CNTN4: variants seen among roughly 807,000 people sequenced by gnomAD.
CNTN4 encodes contactin 4.
In CNTN4, 77 loss-of-function variants were observed where a neutral mutation model predicts 122.5. The ratio of observed to expected loss-of-function variants is 0.63; its 90% CI spans 0.52 to 0.76. The LOEUF is 0.76. Among genes scored for constraint, CNTN4 ranks in the 30% least tolerant of loss-of-function variants. The pLI is 0.00. For synonymous variants in CNTN4, 512 were observed against 447.0 expected, an observed-to-expected ratio of 1.15 and a Z score of -1.83; for missense variants, 1,256 against 1,259.1, an observed-to-expected ratio of 1.00 and a Z score of 0.04.
chr3:2,140,091 T>C (rs977875567), intron 2 of CNTN4, among the ~76,000 whole-genome samples: 1 of 152,176 alleles, frequency 6.6e-6, no homozygotes, highest in African/African-American at 2.4e-5. Flanking sequence ...CCTGCCGCCA[T>C]GTAAGATGTG....
chr3:2,918,460 C>G (rs968314731), intron 12 of CNTN4, among the ~76,000 whole-genome samples: 3 of 152,178 alleles, frequency 2.0e-5, no homozygotes. Context: ...CTGTTACCTT[C>G]TCCTAAGTAC....
At chr3:2,620,821 C>T (rs550948385) in intron 4 of CNTN4, among the ~76,000 whole-genome samples, 4 of 152,272 alleles carry the variant, frequency 2.6e-5, no homozygotes, top group East Asian at 1.9e-4. Flanking sequence ...ACACAAAGCA[C>T]TCTAATTCCA....
intron 6 of CNTN4, among the ~76,000 whole-genome samples, chr3:2,749,304 G>C (rs573681171): frequency 1.3e-5 from 2 of 150,268 alleles, no homozygotes; most frequent in African/African-American, 4.9e-5. Flanking sequence ...GGGATTACAG[G>C]CTCACACCAC....
rs1221104246 is a variant in CNTN4 at position 2,450,765 on chromosome 3, C to G, written c.-89+111532C>G. Among the ~76,000 whole-genome samples, 4 of 152,202 alleles carry G rather than the reference C, an allele frequency of 2.6e-5. No homozygotes were observed. The East Asian group carries it at 7.7e-4, about 29-fold the overall frequency. On this transcript the variant is annotated intron_variant, in intron 3 of 24. Transcript: ENST00000418658. ...AAGCCCCCACTTTGAATTAAGATAACTTGTCCCCAAGAAGAGTCAACCTGA... is the reference window on the plus strand; with the variant it reads ...AAGCCCCCACTTTGAATTAAGATAAGTTGTCCCCAAGAAGAGTCAACCTGA...
At chr3:3,005,616 C>G (rs1696535645) in intron 14 of CNTN4, among the ~76,000 whole-genome samples, 1 of 152,208 alleles carries the variant, frequency 6.6e-6, no homozygotes, top group Non-Finnish European at 1.5e-5. Context: ...CTGGCAGATC[C>G]AGGGTCTGGC....
intron 13 of CNTN4, among the ~76,000 whole-genome samples, chr3:2,957,890 C>A (rs142283478): frequency 1.3e-5 from 2 of 152,078 alleles, no homozygotes; most frequent in Non-Finnish European, 2.9e-5. Context: ...AATAGTGCTG[C>A]GATGAACGTA....
intron 2 of CNTN4, among the ~76,000 whole-genome samples, chr3:2,250,837 A>G (rs1575173082): frequency 2.0e-5 from 3 of 152,024 alleles, no homozygotes; most frequent in African/African-American, 7.2e-5. Context: ...CTATCCAATG[A>G]TCAATATAAT....
chr3:2,984,347 C>T (rs1177726895), intron 13 of CNTN4, among the ~76,000 whole-genome samples: 1 of 152,190 alleles, frequency 6.6e-6, no homozygotes, highest in East Asian at 1.9e-4. Context: ...CAGCAGTTCT[C>T]AAATGGGGTG....
intron 4 of CNTN4, among the ~76,000 whole-genome samples, chr3:2,584,136 T>C (rs2080070672): frequency 6.6e-6 from 1 of 152,190 alleles, no homozygotes; most frequent in South Asian, 2.1e-4. Flanking sequence ...TAATGTCTAT[T>C]GTAGTCATTT....
chr3:2,830,304 A>T (rs911246580), intron 7 of CNTN4, among the ~76,000 whole-genome samples: 5 of 152,242 alleles, frequency 3.3e-5, no homozygotes, highest in African/African-American at 1.2e-4. Context: ...TCCAAAAAAA[A>T]TTAAAAAGAT....
At chr3:2,233,657 C>T (rs1008251650) in intron 2 of CNTN4, among the ~76,000 whole-genome samples, 1 of 152,172 alleles carries the variant, frequency 6.6e-6, no homozygotes, top group African/African-American at 2.4e-5. Context: ...CCCTCACCCC[C>T]AATTGAACCG....
intron 16 of CNTN4, 146 bp from the exon 17 acceptor site, chr3:3,034,486 G>C: frequency 1.2e-6 from 1 of 859,800 alleles, no homozygotes. Context: ...CAAGCACGTA[G>C]TAGGAGTTCA....
rs1227905325 is a variant in CNTN4, at chr3:2,339,234, G to T, written c.-89+1G>T. On this transcript the variant is annotated splice_donor_variant, in intron 3 of 24. Transcript: ENST00000418658. LOFTEE classifies it low-confidence loss of function (5UTR_SPLICE). Reference sequence around the variant, plus strand: ...GTGTCTTCAAGAGCTTCCCTAAAAGGTAAGCTTCCCACAAGGGAAGATTTT... The same window carrying T: ...GTGTCTTCAAGAGCTTCCCTAAAAGTTAAGCTTCCCACAAGGGAAGATTTT... 1 of 152,064 alleles carries T rather than the reference G, an allele frequency of 6.6e-6. No homozygotes were observed. The highest frequency in any genetic ancestry group is 1.5e-5 in the Non-Finnish European group (1 of 67,996). 9.4% of individuals were successfully genotyped at this position (152,064 alleles called of 1,614,324 possible).
At chr3:2,960,927 C>T (rs1391033274) in intron 13 of CNTN4, among the ~76,000 whole-genome samples, 2 of 152,024 alleles carry the variant, frequency 1.3e-5, no homozygotes, top group African/African-American at 4.8e-5. Flanking sequence ...CGCTACCATG[C>T]GAACAAGATA....
At chr3:2,788,023 C>G (rs1262109930) in intron 6 of CNTN4, among the ~76,000 whole-genome samples, 1 of 152,086 alleles carries the variant, frequency 6.6e-6, no homozygotes, top group African/African-American at 2.4e-5. Flanking sequence ...CTCCTGACCT[C>G]AGATGATCTG....
rs116798126 is a variant in CNTN4, at chr3:3,030,374, T to C, written c.1663-481T>C. The stretch of plus-strand genomic sequence containing the variant: ...GAATCTGGTCTTCCTAATCCTTTCA[T>C]TCCAACCTGGGAGCAATAACAATGC... On this transcript the variant is annotated intron_variant, in intron 15 of 24. Coordinates refer to ENST00000418658, the MANE Select transcript of CNTN4 (RefSeq NM_175607.3). Among the ~76,000 whole-genome samples the C allele has an allele frequency of 3.1e-3, 472 of 152,318 alleles. 2 individuals carry two copies. The highest frequency in any genetic ancestry group is 0.011 in the African/African-American group (453 of 41,574).
At chr3:2,620,054 T>C (rs551142487) in intron 4 of CNTN4, among the ~76,000 whole-genome samples, 1 of 152,178 alleles carries the variant, frequency 6.6e-6, no homozygotes, top group South Asian at 2.1e-4. Flanking sequence ...TGGAGAGCTG[T>C]ACAAACTGGA....
chr3:2,824,281 G>C (rs960239235), intron 7 of CNTN4, among the ~76,000 whole-genome samples: 4 of 151,806 alleles, frequency 2.6e-5, no homozygotes, highest in Non-Finnish European at 4.4e-5. Flanking sequence ...GGCCAACATA[G>C]AGAAACCCCG....
intron 6 of CNTN4, among the ~76,000 whole-genome samples, chr3:2,809,664 G>A (rs2092557929): frequency 1.3e-5 from 2 of 152,198 alleles, no homozygotes; most frequent in African/African-American, 4.8e-5. Flanking sequence ...TGAGAAAAGA[G>A]ATGAGCTCCC....
Sources: allele counts gnomAD v4.1 joint callset (sites outside exome capture counted in the v4.1 genomes callset), GRCh38; gene constraint gnomAD v4.1.1; transcripts MANE v1.5; gene names NCBI Gene and HGNC (gene_info 2026-07-23, HGNC 2026-07-21).